CALN1: variants seen among roughly 807,000 people sequenced by gnomAD.
CALN1 encodes calneuron 1, also known as calcium-binding protein 8.
Under a neutral mutation model 30.6 loss-of-function variants are expected in CALN1, and 17 were observed. That is an observed-to-expected ratio of 0.56 (90% CI 0.38 to 0.83). CALN1 has a LOEUF of 0.83. Ranked by LOEUF, CALN1 falls within the 40% of genes least tolerant of loss-of-function variation. The pLI is 0.00. For missense variants in CALN1, 291 were observed against 354.9 expected (o/e 0.82, Z 1.45); for synonymous variants, 156 against 131.4 (o/e 1.19, Z -1.28).
At chr7:71,959,482 G>A (rs13238682) in intron 5 of CALN1, among the ~76,000 whole-genome samples, 24,311 of 152,148 alleles carry the variant, frequency 0.16, 2,274 homozygotes, top group Non-Finnish European at 0.23. Flanking sequence ...CTACCAAAAC[G>A]ACTATGTTCC....
chr7:72,264,854 T>C (rs1796506372), intron 3 of CALN1, among the ~76,000 whole-genome samples: 1 of 152,168 alleles, frequency 6.6e-6, no homozygotes, highest in African/African-American at 2.4e-5. Flanking sequence ...CACCATCTGA[T>C]AGGCCCCAGT....
At chr7:72,263,441 G>A (rs982680271) in intron 3 of CALN1, among the ~76,000 whole-genome samples, 13 of 152,030 alleles carry the variant, frequency 8.6e-5, no homozygotes, top group African/African-American at 2.9e-4. Context: ...TGTCATCCAA[G>A]CTGGAGTTCA....
chr7:72,057,882 C>G (rs1235670717), intron 4 of CALN1, among the ~76,000 whole-genome samples: 1 of 152,160 alleles, frequency 6.6e-6, no homozygotes. Context: ...TTCAAGTCTT[C>G]AAGCGTCTAC....
intron 3 of CALN1, among the ~76,000 whole-genome samples, chr7:72,152,411 G>C (rs774884177): frequency 6.6e-6 from 1 of 152,132 alleles, no homozygotes; most frequent in Non-Finnish European, 1.5e-5. Flanking sequence ...AGAGAGCTAC[G>C]ATCTTCACAT....
At chr7:72,360,888 C>T (rs559579717) in intron 2 of CALN1, among the ~76,000 whole-genome samples, 15 of 151,434 alleles carry the variant, frequency 9.9e-5, no homozygotes, top group East Asian at 2.0e-4. Flanking sequence ...ACTACCATGC[C>T]GGGTTAATTT....
chr7:72,480,513 G>T, the CALN1 span, among the ~76,000 whole-genome samples: 1 of 151,996 alleles, frequency 6.6e-6, no homozygotes, highest in African/African-American at 2.4e-5. Flanking sequence ...GTAATGAGCT[G>T]GGAAATATTC....
At chr7:72,176,538 C>T (rs1228495092) in intron 3 of CALN1, among the ~76,000 whole-genome samples, 6 of 152,094 alleles carry the variant, frequency 3.9e-5, no homozygotes, top group Admixed American at 3.3e-4. Context: ...TTCTCTTTCT[C>T]CCACTCTCGC....
chr7:72,003,071 G>A (rs1799604771), intron 5 of CALN1, among the ~76,000 whole-genome samples: 1 of 152,080 alleles, frequency 6.6e-6, no homozygotes, highest in Non-Finnish European at 1.5e-5. Context: ...TGAAGTAATT[G>A]ATATGTTAAT....
At chr7:72,388,563 G>C (rs1441488594) in intron 2 of CALN1, among the ~76,000 whole-genome samples, 2 of 152,186 alleles carry the variant, frequency 1.3e-5, no homozygotes, top group Non-Finnish European at 2.9e-5. Flanking sequence ...GCGTGTTGGG[G>C]ATATGGGCAC....
intron 4 of CALN1, among the ~76,000 whole-genome samples, chr7:72,037,484 T>G (rs1042751611): frequency 6.6e-6 from 1 of 152,194 alleles, no homozygotes; most frequent in Non-Finnish European, 1.5e-5. Flanking sequence ...AACCATATCA[T>G]TTATTACCTG....
At chr7:72,473,431 G>A in the CALN1 span, among the ~76,000 whole-genome samples, 5 of 151,850 alleles carry the variant, frequency 3.3e-5, no homozygotes, top group Non-Finnish European at 7.4e-5. Context: ...TGAAAAAATC[G>A]CTCCAGTCTT....
At chr7:71,930,433 T>C (rs181417335) in intron 5 of CALN1, among the ~76,000 whole-genome samples, 1 of 152,352 alleles carries the variant, frequency 6.6e-6, no homozygotes, top group East Asian at 1.9e-4. Flanking sequence ...TTTCTATCAT[T>C]GAAAGAGTTC....
chr7:72,499,602 T>C, the CALN1 span, among the ~76,000 whole-genome samples: 1 of 152,130 alleles, frequency 6.6e-6, no homozygotes, highest in Admixed American at 6.5e-5. Flanking sequence ...TGCAGACTCA[T>C]ATGCAAATAA....
At chr7:72,404,692 G>A (rs984010868) in intron 1 of CALN1, among the ~76,000 whole-genome samples, 1 of 152,180 alleles carries the variant, frequency 6.6e-6, no homozygotes, top group African/African-American at 2.4e-5. Flanking sequence ...TCTGGTGAGA[G>A]GTGCATGCTC....
At chr7:71,927,217 T>G (rs959094366) in intron 5 of CALN1, among the ~76,000 whole-genome samples, 1 of 145,616 alleles carries the variant, frequency 6.9e-6, no homozygotes, top group South Asian at 2.1e-4. Context: ...ATTTTTTGTA[T>G]GTGTTTTTTT....
chr7:72,112,308 G>C (rs1458362471), intron 3 of CALN1, among the ~76,000 whole-genome samples: 1 of 152,276 alleles, frequency 6.6e-6, no homozygotes, highest in Non-Finnish European at 1.5e-5. Context: ...ACCTCAAATT[G>C]GTAATGAAGA....
intron 5 of CALN1, among the ~76,000 whole-genome samples, chr7:72,003,913 T>C (rs1799646226): frequency 6.6e-6 from 1 of 152,210 alleles, no homozygotes; most frequent in African/African-American, 2.4e-5. Context: ...ACGCTATTCC[T>C]AGACCACTGG....
chr7:72,046,357 C>T (rs931577368), intron 4 of CALN1, among the ~76,000 whole-genome samples: 2 of 152,100 alleles, frequency 1.3e-5, no homozygotes, highest in Admixed American at 1.3e-4. Flanking sequence ...TCTCCTGCCT[C>T]AACCTCCTGA....
intron 5 of CALN1, among the ~76,000 whole-genome samples, chr7:71,966,344 C>T (rs1797530197): frequency 6.6e-6 from 1 of 152,136 alleles, no homozygotes; most frequent in African/African-American, 2.4e-5. Flanking sequence ...GGATCTGTGT[C>T]CCCACCCAAG....
Sources: allele counts gnomAD v4.1 joint callset (sites outside exome capture counted in the v4.1 genomes callset), GRCh38; gene constraint gnomAD v4.1.1; transcripts MANE v1.5; gene names NCBI Gene and HGNC (gene_info 2026-07-23, HGNC 2026-07-21).